Variants in XPO7 observed in about 807,000 individuals in gnomAD.
XPO7 encodes exportin-7.
Under a neutral mutation model 144.3 loss-of-function variants are expected in XPO7, and 21 were observed. The observed-to-expected ratio is 0.15, with a 90% CI of 0.10 to 0.21. The LOEUF (loss-of-function observed/expected upper bound fraction) is 0.21, where lower values mean the gene tolerates loss of function less well. Ranked by LOEUF, XPO7 falls within the 10% of genes least tolerant of loss-of-function variation. The pLI is 1.00. For missense variants in XPO7, 808 were observed against 1,325.8 expected (o/e 0.61, Z 6.06); for synonymous variants, 580 against 499.6 (o/e 1.16, Z -2.15).
At chr8:21,960,322 A>T (rs1248887481) in intron 1 of XPO7, among the ~76,000 whole-genome samples, 1 of 152,234 alleles carries the variant, frequency 6.6e-6, no homozygotes, top group Non-Finnish European at 1.5e-5. Context: ...CCTTTAGAGG[A>T]TTCACCTTGC....
chr8:21,987,534 T>TG (rs1812620827), intron 14 of XPO7, among the ~76,000 whole-genome samples: 1 of 152,222 alleles, frequency 6.6e-6, no homozygotes, highest in Non-Finnish European at 1.5e-5. Context: ...TTAGTCTCCA[T>TG]GCATGAATTA....
chr8:21,990,776 T>A lies in XPO7; in HGVS notation c.1933-35T>A, dbSNP rs921287848. ...GCTTGCATTCTGCCTCTAACTCATG[T>A]TTTTACCTTTAACTTCTTTTCTTTT... On this transcript the variant is annotated intron_variant, in intron 17 of 27. Coordinates refer to ENST00000252512, the MANE Select transcript of XPO7 (RefSeq NM_015024.5). The A allele has an allele frequency of 5.0e-6, 8 of 1,606,620 alleles. 1 individual carries two copies. Among genetic ancestry groups the A allele is most frequent in the Middle Eastern group, 3.3e-4 (2 of 6,066 alleles).
Position 21,977,839 on chromosome 8 carries a change from C to A in XPO7, c.833C>A (p.Pro278His). 6.2e-7 allele frequency: 1 copy of A among 1,613,742 alleles called. No homozygotes were observed. The highest frequency in any genetic ancestry group is 8.5e-7 in the Non-Finnish European group (1 of 1,179,750). ...LYHSIPPSFS[P>H]LVLSCLVQIA... ...CATTCCATCCCTCCTTCATTTTCAC[C>A]TCTGGTGAGTCAGGACTACCGTTTC... Residue 278 changes from proline to histidine, a missense_variant, in exon 8 of 28, where the codon CCT becomes CAT. Pro to His is a moderately conservative substitution (Grantham distance 77, BLOSUM62 -2). Around this residue, in one of 5 missense-constraint regions of XPO7, gnomAD observed 223 missense variants for 368.8 expected, o/e 0.60. Transcript: ENST00000252512.
intron 25 of XPO7, 107 bp downstream of exon 25, chr8:22,002,379 C>T: frequency 7.5e-7 from 1 of 1,325,956 alleles, no homozygotes; most frequent in Non-Finnish European, 1.0e-6. Context: ...TCATCAGGTT[C>T]CTGCTGCTGA....
intron 27 of XPO7, 77 bp from the exon 28 acceptor site, chr8:22,004,918 T>TAAAA: frequency 1.3e-6 from 1 of 758,582 alleles, no homozygotes; most frequent in Non-Finnish European, 2.0e-6. Context: ...TTCCCATGCT[T>TAAAA]TAAAAAAAAA....
chr8:22,001,163 C>G (rs561275373), intron 24 of XPO7, among the ~76,000 whole-genome samples: 1 of 151,778 alleles, frequency 6.6e-6, no homozygotes, highest in Non-Finnish European at 1.5e-5. Context: ...AAAATTAGCT[C>G]GGCGTGGTGG....
Position 21,981,295 on chromosome 8 carries a change from G to A in XPO7, c.958-436G>A, listed in dbSNP as rs181146718. Among the ~76,000 whole-genome samples, 304 of 152,212 alleles carry A rather than the reference G, an allele frequency of 2.0e-3. 4 individuals are homozygous for A. Among genetic ancestry groups the A allele is most frequent in the East Asian group, 3.9e-4 (2 of 5,186 alleles). The stretch of plus-strand genomic sequence containing the variant: ...CATTTGTATAACTTTGCTAACTATC[G>A]GTTAGTTGTGCTGAATGATCAGTTT... On this transcript the variant is annotated intron_variant, in intron 9 of 27. Coordinates refer to ENST00000252512, the MANE Select transcript of XPO7 (RefSeq NM_015024.5).
chr8:22,001,308 CAAAA>C (rs762708728), intron 24 of XPO7, among the ~76,000 whole-genome samples: 1 of 116,902 alleles, frequency 8.6e-6, no homozygotes, highest in East Asian at 2.4e-4. Flanking sequence ...GACTCCGTAT[CAAAA>C]AAAAAAAAAA....
chr8:21,995,064 A>T (rs1403352445), intron 20 of XPO7, among the ~76,000 whole-genome samples: 5 of 150,356 alleles, frequency 3.3e-5, no homozygotes, highest in Non-Finnish European at 5.9e-5. Flanking sequence ...AAAAAAAAAT[A>T]AATAATAATA....
rs1043675626 is a variant in XPO7 at position 21,954,076 on chromosome 8, A to T, written c.19-12781A>T. Among the ~76,000 whole-genome samples, 5 of 152,210 alleles carry T rather than the reference A, an allele frequency of 3.3e-5. No homozygotes were observed. In the East Asian group the frequency reaches 9.6e-4, roughly 29 times the overall value. Reference sequence around the variant, plus strand: ...GGAAGATAATTCTCTGGGCCAGTTTATGTATTTGGCTAGCCTGATAATAAA... The same window carrying T: ...GGAAGATAATTCTCTGGGCCAGTTTTTGTATTTGGCTAGCCTGATAATAAA... On this transcript the variant is annotated intron_variant, in intron 1 of 27. Coordinates refer to ENST00000252512, the MANE Select transcript of XPO7 (RefSeq NM_015024.5).
rs562946357 is a variant in XPO7 at position 21,970,129 on chromosome 8, G to GT, written c.260-6dup. 1,746 of 1,570,696 alleles carry GT rather than the reference G, an allele frequency of 1.1e-3. 2 individuals are homozygous for GT. Among genetic ancestry groups the GT allele is most frequent in the Admixed American group, 1.5e-3 (84 of 55,944 alleles). On this transcript the variant is annotated splice_polypyrimidine_tract_variant and intron_variant, in intron 3 of 27. Coordinates refer to ENST00000252512, the MANE Select transcript of XPO7 (RefSeq NM_015024.5). ...ATTATGTGGATTGGTTTTGTTTCTT[G>GT]TTTTTTTTTAATAGGGAACTATGTG...
chr8:21,945,020 A>G (rs1338859719), intron 1 of XPO7, among the ~76,000 whole-genome samples: 7 of 152,248 alleles, frequency 4.6e-5, no homozygotes, highest in African/African-American at 1.7e-4. Context: ...CTACACAGAC[A>G]CAGTAACAAT....
chr8:21,952,499 A>T (rs150711425), intron 1 of XPO7, among the ~76,000 whole-genome samples: 3 of 152,338 alleles, frequency 2.0e-5, no homozygotes, highest in African/African-American at 7.2e-5. Flanking sequence ...ATCTGTAGAG[A>T]CATATGTTTG....
chr8:21,983,518 A>G (rs1441567113), intron 11 of XPO7, among the ~76,000 whole-genome samples: 3 of 152,210 alleles, frequency 2.0e-5, no homozygotes, highest in African/African-American at 4.8e-5. Flanking sequence ...GTCATGAGTT[A>G]TAGTCTTAAC....
chr8:21,990,786 T>C (rs1233251633), intron 17 of XPO7, 25 bp from the exon 18 acceptor site: 1 of 1,611,304 alleles, frequency 6.2e-7, no homozygotes, highest in Admixed American at 1.7e-5. Context: ...TTTTTACCTT[T>C]AACTTCTTTT....
chr8:21,956,569 G>C (rs1367129842), intron 1 of XPO7, among the ~76,000 whole-genome samples: 2 of 151,996 alleles, frequency 1.3e-5, no homozygotes, highest in Non-Finnish European at 2.9e-5. Flanking sequence ...TAGGCCTATG[G>C]AACTGGGTCT....
intron 13 of XPO7, 83 bp downstream of exon 13, chr8:21,985,774 C>G: frequency 1.6e-6 from 2 of 1,232,044 alleles, no homozygotes; most frequent in Non-Finnish European, 2.4e-6. Flanking sequence ...ACTTACAGAA[C>G]GTAATCTGAA....
chr8:21,975,231 G>GACATAAACA (rs1370387238), intron 6 of XPO7, among the ~76,000 whole-genome samples: 1 of 152,220 alleles, frequency 6.6e-6, no homozygotes, highest in African/African-American at 2.4e-5. Flanking sequence ...GTCCCCCGCT[G>GACATAAACA]AGTTAAAAGC....
chr8:21,963,852 T>TTATTATATTCTAAAA (rs1801872237), intron 1 of XPO7, among the ~76,000 whole-genome samples: 1 of 152,306 alleles, frequency 6.6e-6, no homozygotes, highest in Admixed American at 6.5e-5. Flanking sequence ...GTCAGACAAA[T>TTATTATATTCTAAAA]TATTATATTC....
Sources: gnomAD v4.1 joint callset for allele counts (sites outside exome capture counted in the v4.1 genomes callset) on GRCh38, gnomAD v4.1.1 for gene constraint, gnomAD v4.1.1 regional missense constraint, MANE v1.5 for transcripts, NCBI Gene and HGNC (gene_info 2026-07-23, HGNC 2026-07-21) for gene names.